ZFPM2: variants seen among roughly 807,000 people sequenced by gnomAD.
The protein encoded by ZFPM2 is zinc finger protein, FOG family member 2, also known as zinc finger protein ZFPM2.
In ZFPM2, 20 loss-of-function variants were observed where a neutral mutation model predicts 98.6. The ratio of observed to expected loss-of-function variants is 0.20; its 90% confidence interval spans 0.14 to 0.29. The LOEUF is 0.29. Ranked by LOEUF, ZFPM2 falls within the 10% of genes least tolerant of loss-of-function variation. The pLI is 1.00. For missense variants in ZFPM2, 1,310 were observed against 1,388.6 expected (o/e 0.94, Z 0.90); for synonymous variants, 518 against 502.7 (o/e 1.03, Z -0.41).
intron 4 of ZFPM2, among the ~76,000 whole-genome samples, chr8:105,567,669 C>A (rs755614620): frequency 6.6e-6 from 1 of 152,032 alleles, no homozygotes; most frequent in South Asian, 2.1e-4. Flanking sequence ...AATTTAAAAG[C>A]AATATCCAAA....
intron 5 of ZFPM2, among the ~76,000 whole-genome samples, chr8:105,673,145 AT>A (rs1207214932): frequency 9.0e-6 from 1 of 111,150 alleles, no homozygotes; most frequent in African/African-American, 3.6e-5. Flanking sequence ...ACTTAAATAT[AT>A]TTTTTTTCAT....
chr8:105,503,288 A>G (rs1418047382), intron 3 of ZFPM2, among the ~76,000 whole-genome samples: 4 of 152,248 alleles, frequency 2.6e-5, no homozygotes, highest in Admixed American at 2.6e-4. Flanking sequence ...GGGCTTTTAT[A>G]TTAATCAGGA....
intron 3 of ZFPM2, among the ~76,000 whole-genome samples, chr8:105,458,608 T>C (rs1812643979): frequency 1.3e-5 from 2 of 152,166 alleles, no homozygotes; most frequent in African/African-American, 4.8e-5. Context: ...CCAAATAATA[T>C]AAAAATGATC....
In ZFPM2 at chr8:105,760,967, C is replaced by T. The variant is rs147957238; in HGVS notation, c.533-27751C>T. ...ATATTGTGTCATCTTACAGAGAAAT[C>T]CATGGAGTTTCAGAGAGAATAAGCA... On this transcript the variant is annotated intron_variant, in intron 5 of 7. Transcript: ENST00000407775. Among the ~76,000 whole-genome samples, 105 of 152,000 alleles carry T rather than the reference C, an allele frequency of 6.9e-4. No homozygotes were observed. The Middle Eastern group carries it at 0.01, about 15-fold the overall frequency.
intron 3 of ZFPM2, among the ~76,000 whole-genome samples, chr8:105,533,329 T>A (rs1038021162): frequency 1.1e-4 from 17 of 152,014 alleles, no homozygotes; most frequent in African/African-American, 4.1e-4. Context: ...TAGATAGGAG[T>A]CACTCTGGGT....
rs1563667636 is a variant in ZFPM2 at position 105,456,159 on chromosome 8, TGTTTGTTTG to T, written c.301+11779_301+11787del. Reference sequence around the variant, plus strand: ...AACCAGGAAAATGTTTTTTTTTGTTTGTTTGTTTGTTTTTTTTTTAAGAAGGAAGGGGCT... The same window carrying T: ...AACCAGGAAAATGTTTTTTTTTGTTTTTTTTTTTTTAAGAAGGAAGGGGCT... On this transcript the variant is annotated intron_variant, in intron 3 of 7. Transcript: ENST00000407775. Among the ~76,000 whole-genome samples the T allele has an allele frequency of 1.5e-4, 21 of 137,870 alleles. 2 individuals are homozygous for T. The highest frequency in any genetic ancestry group is 1.5e-3 in the East Asian group (7 of 4,704). 90.4% of individuals were successfully genotyped at this position (137,870 alleles called of 152,430 possible).
intron 3 of ZFPM2, among the ~76,000 whole-genome samples, chr8:105,499,963 G>A (rs1206465332): frequency 6.6e-6 from 1 of 152,176 alleles, no homozygotes; most frequent in Non-Finnish European, 1.5e-5. Flanking sequence ...GTAATCATTT[G>A]CAATTCCAAG....
intron 4 of ZFPM2, among the ~76,000 whole-genome samples, chr8:105,607,890 A>G (rs1350853393): frequency 6.6e-6 from 1 of 152,136 alleles, no homozygotes. Flanking sequence ...ACACATGCAC[A>G]CAAGTGTTCA....
chr8:105,689,496 G>A (rs571691808), intron 5 of ZFPM2, among the ~76,000 whole-genome samples: 173 of 152,050 alleles, frequency 1.1e-3, no homozygotes, highest in Admixed American at 3.7e-3. Flanking sequence ...GATTTTTTTT[G>A]TTGATGGAAA....
chr8:105,547,419 G>A (rs563854428), intron 3 of ZFPM2, among the ~76,000 whole-genome samples: 1 of 151,784 alleles, frequency 6.6e-6, no homozygotes, highest in East Asian at 1.9e-4. Context: ...GTGGGCACCT[G>A]TAATCCCAGG....
At chr8:105,672,708 A>T (rs1427421007) in intron 5 of ZFPM2, among the ~76,000 whole-genome samples, 1 of 152,174 alleles carries the variant, frequency 6.6e-6, no homozygotes, top group Non-Finnish European at 1.5e-5. Context: ...CTGATAGCAG[A>T]TGACTAAACT....
At chr8:105,472,813 C>T (rs1462418543) in intron 3 of ZFPM2, among the ~76,000 whole-genome samples, 8 of 151,560 alleles carry the variant, frequency 5.3e-5, no homozygotes, top group Non-Finnish European at 7.4e-5. Flanking sequence ...TGGCCTCACT[C>T]CTTGTGTTTT....
intron 3 of ZFPM2, among the ~76,000 whole-genome samples, chr8:105,509,474 G>A (rs914589705): frequency 3.3e-5 from 5 of 152,068 alleles, no homozygotes; most frequent in South Asian, 2.1e-4. Flanking sequence ...GGAATTGCTC[G>A]TAATGTTTTT....
chr8:105,773,684 A>T (rs1189652591), intron 5 of ZFPM2, among the ~76,000 whole-genome samples: 1 of 150,952 alleles, frequency 6.6e-6, no homozygotes, highest in African/African-American at 2.4e-5. Flanking sequence ...ATAAATAAAA[A>T]AGATAAATAA....
At chr8:105,393,330 C>CTGCCTTTCTTTCTTTCTTTCTT (rs1245789213) in intron 1 of ZFPM2, among the ~76,000 whole-genome samples, 60 of 132,906 alleles carry the variant, frequency 4.5e-4, no homozygotes, top group Non-Finnish European at 8.1e-4. Flanking sequence ...CCCTCTCTCT[C>CTGCCTTTCTTTCTTTCTTTCTT]TCTTTGCCTT....
intron 5 of ZFPM2, among the ~76,000 whole-genome samples, chr8:105,771,511 C>A (rs1478110521): frequency 6.6e-6 from 1 of 152,168 alleles, no homozygotes; most frequent in East Asian, 1.9e-4. Context: ...AGCACTGACC[C>A]TTTTGTGCAA....
chr8:105,757,948 C>G (rs1333220992), intron 5 of ZFPM2, among the ~76,000 whole-genome samples: 3 of 152,074 alleles, frequency 2.0e-5, no homozygotes, highest in Non-Finnish European at 4.4e-5. Flanking sequence ...ATAACCATAT[C>G]CACATGAAAC....
At chr8:105,518,867 A>G (rs1407490113) in intron 3 of ZFPM2, among the ~76,000 whole-genome samples, 1 of 152,218 alleles carries the variant, frequency 6.6e-6, no homozygotes, top group Non-Finnish European at 1.5e-5. Context: ...TTTGTGATAT[A>G]TCACTGATGA....
intron 3 of ZFPM2, among the ~76,000 whole-genome samples, chr8:105,499,782 T>A (rs1813551669): frequency 6.6e-6 from 1 of 152,122 alleles, no homozygotes; most frequent in African/African-American, 2.4e-5. Context: ...TAATAGCAGT[T>A]GTTAAGAGCA....
Sources: allele counts gnomAD v4.1 joint callset (sites outside exome capture counted in the v4.1 genomes callset), GRCh38; gene constraint gnomAD v4.1.1; transcripts MANE v1.5; gene names NCBI Gene and HGNC (gene_info 2026-07-23, HGNC 2026-07-21).